The following SRGAP3 variants were observed in gnomAD, a reference collection of about 807,000 sequenced individuals.
The protein encoded by SRGAP3 is SLIT-ROBO Rho GTPase-activating protein 3.
In SRGAP3, 39 loss-of-function variants were observed where a neutral mutation model predicts 121.1. The ratio of observed to expected loss-of-function variants is 0.32; its 90% confidence interval spans 0.25 to 0.42. The LOEUF is 0.42. Among genes scored for constraint, SRGAP3 ranks in the 10% least tolerant of loss-of-function variants. The probability of loss-of-function intolerance (pLI) is 1.00; values close to 1 mark genes in which losing one functional copy is unlikely to be tolerated. For missense variants in SRGAP3, 1,213 were observed against 1,470.6 expected, an observed-to-expected ratio of 0.82 and a Z score of 2.86; for synonymous variants, 601 against 570.0, an observed-to-expected ratio of 1.05 and a Z score of -0.77.
At position 9,207,659 on chromosome 3, in the gene SRGAP3, G is replaced by A. The variant is rs149653748; in HGVS notation, c.67+41226C>T. Among the ~76,000 whole-genome samples the A allele has an allele frequency of 1.6e-3, 251 of 152,260 alleles. 3 individuals carry two copies. The highest frequency in any genetic ancestry group is 5.3e-3 in the African/African-American group (221 of 41,554). ...CAGTAAAGGCCTCAGCAGACTCCAC[G>A]GGGAAGCACTGAAGCTGAGGTTGGC... On this transcript the variant is annotated intron_variant, in intron 1 of 21. Transcript: ENST00000383836.
At chr3:9,305,450 T>G (rs1429813412) in intron 3 of SRGAP3, among the ~76,000 whole-genome samples, 2 of 151,520 alleles carry the variant, frequency 1.3e-5, no homozygotes, top group Non-Finnish European at 2.9e-5. Flanking sequence ...AGGGTACATG[T>G]GCACAATGTG....
intron 14 of SRGAP3, among the ~76,000 whole-genome samples, chr3:9,018,069 G>A (rs1189067915): frequency 6.6e-6 from 1 of 152,170 alleles, no homozygotes. Context: ...GAGATAAAGT[G>A]TTCTAGTTCC....
At chr3:9,037,922 TG>T in intron 11 of SRGAP3, 140 bp downstream of exon 11, 2 of 1,119,226 alleles carry the variant, frequency 1.8e-6, no homozygotes, top group Non-Finnish European at 1.4e-6. Context: ...GTGCCTCACC[TG>T]GGCACACCCA....
In SRGAP3 at chr3:9,128,957, A is replaced by G. The variant is rs149521959; in HGVS notation, c.68-4040T>C. Among the ~76,000 whole-genome samples, 1,024 of 152,368 alleles carry G rather than the reference A, an allele frequency of 6.7e-3. 14 individuals are homozygous for G. Among genetic ancestry groups the G allele is most frequent in the African/African-American group, 0.022 (922 of 41,578 alleles). ...CTTCTGAATACTGGAGATGTTCCAC[A>G]CCTTGGTGAGGGTGGAAGGGACACT... is the stretch of plus-strand genomic sequence containing the variant. On this transcript the variant is annotated intron_variant, in intron 1 of 21. Coordinates refer to ENST00000383836, the MANE Select transcript of SRGAP3 (RefSeq NM_014850.4).
At chr3:9,285,945 T>C (rs1384395372) in intron 3 of SRGAP3, among the ~76,000 whole-genome samples, 2 of 151,956 alleles carry the variant, frequency 1.3e-5, no homozygotes, top group African/African-American at 4.8e-5. Flanking sequence ...TCTTCTCTAC[T>C]AAAAACAAAG....
intron 18 of SRGAP3, among the ~76,000 whole-genome samples, chr3:9,003,732 G>A: frequency 6.6e-6 from 1 of 151,880 alleles, no homozygotes; most frequent in East Asian, 1.9e-4. Context: ...AACAAACTAG[G>A]AATAGAAGGG....
intron 1 of SRGAP3, among the ~76,000 whole-genome samples, chr3:9,351,348 C>A (rs1475179636): frequency 6.6e-6 from 1 of 152,188 alleles, no homozygotes; most frequent in Non-Finnish European, 1.5e-5. Context: ...GAGATAGTCA[C>A]CATTGTATCC....
At chr3:9,347,057 G>A (rs1198613012) in intron 1 of SRGAP3, among the ~76,000 whole-genome samples, 1 of 152,136 alleles carries the variant, frequency 6.6e-6, no homozygotes, top group African/African-American at 2.4e-5. Flanking sequence ...CCCTCCCAAA[G>A]TGCTGGGATT....
intron 14 of SRGAP3, among the ~76,000 whole-genome samples, chr3:9,019,965 C>A (rs939548682): frequency 6.6e-6 from 1 of 152,224 alleles, no homozygotes; most frequent in East Asian, 1.9e-4. Flanking sequence ...CCAAAAAAAT[C>A]ACCTGTATTC....
At chr3:9,134,173 T>G (rs1949559273) in intron 1 of SRGAP3, among the ~76,000 whole-genome samples, 1 of 152,152 alleles carries the variant, frequency 6.6e-6, no homozygotes. Context: ...CCTGGGTTAG[T>G]AAGAGGGGCC....
chr3:9,306,341 A>C (rs971988546), intron 3 of SRGAP3, among the ~76,000 whole-genome samples: 4 of 152,016 alleles, frequency 2.6e-5, no homozygotes, highest in African/African-American at 9.7e-5. Context: ...AGATTGCAAA[A>C]ATTTTCTCCC....
At chr3:9,108,207 T>TA (rs59553171) in intron 2 of SRGAP3, among the ~76,000 whole-genome samples, 2 of 152,170 alleles carry the variant, frequency 1.3e-5, no homozygotes, top group African/African-American at 4.8e-5. Context: ...GGGGAGCTTT[T>TA]AAAAAAACAC....
intron 1 of SRGAP3, among the ~76,000 whole-genome samples, chr3:9,238,542 G>A (rs993104301): frequency 5.0e-4 from 76 of 152,142 alleles, no homozygotes; most frequent in African/African-American, 1.7e-3. Flanking sequence ...AAAGTGGAGA[G>A]TAAATCAGTA....
chr3:9,053,485 T>C (rs1240532466), intron 8 of SRGAP3, among the ~76,000 whole-genome samples: 2 of 152,238 alleles, frequency 1.3e-5, no homozygotes, highest in Non-Finnish European at 2.9e-5. Context: ...AGAGAGAACC[T>C]TGAGGAATGT....
chr3:9,326,030 T>A (rs1255884795), exon 3 of SRGAP3: 11 of 151,846 alleles, frequency 7.2e-5, no homozygotes, highest in Admixed American at 7.2e-4. Context: ...CCAATAGGTG[T>A]ACAGTTCCAG....
At chr3:9,195,257 T>C (rs776133505) in intron 1 of SRGAP3, among the ~76,000 whole-genome samples, 1 of 152,256 alleles carries the variant, frequency 6.6e-6, no homozygotes, top group Non-Finnish European at 1.5e-5. Flanking sequence ...TGTATTTCCA[T>C]TGTTTCAGCA....
chr3:8,995,897 C>T (rs888143655), intron 18 of SRGAP3, among the ~76,000 whole-genome samples: 23 of 152,036 alleles, frequency 1.5e-4, no homozygotes, highest in Admixed American at 1.5e-3. Context: ...CAAAAGCAAC[C>T]CCTGCCCTCT....
chr3:9,316,756 T>C (rs528011542), intron 3 of SRGAP3, among the ~76,000 whole-genome samples: 1 of 152,336 alleles, frequency 6.6e-6, no homozygotes, highest in African/African-American at 2.4e-5. Flanking sequence ...GCATCACATA[T>C]ATTGTTTAGA....
At chr3:8,991,392 T>C (rs898066858) in intron 20 of SRGAP3, among the ~76,000 whole-genome samples, 1 of 152,170 alleles carries the variant, frequency 6.6e-6, no homozygotes, top group African/African-American at 2.4e-5. Flanking sequence ...TTTTTGGATC[T>C]TGGAAAACTA....
Sources: gnomAD v4.1 joint callset for allele counts (sites outside exome capture counted in the v4.1 genomes callset) on GRCh38, gnomAD v4.1.1 for gene constraint, MANE v1.5 for transcripts, NCBI Gene and HGNC (gene_info 2026-07-23, HGNC 2026-07-21) for gene names.